The following AMOTL1 variants were observed in gnomAD, a reference collection of about 807,000 sequenced individuals.
The protein encoded by AMOTL1 is angiomotin-like protein 1.
AMOTL1 carries 45 observed loss-of-function variants against 102.9 expected under a neutral mutation model. That is an observed-to-expected ratio of 0.44 (90% confidence interval 0.34 to 0.56). The LOEUF (loss-of-function observed/expected upper bound fraction) is 0.56, where lower values mean the gene tolerates loss of function less well. AMOTL1 is among the 20% of genes least tolerant of loss of function. The probability of loss-of-function intolerance (pLI) is 0.01; values close to 1 mark genes in which losing one functional copy is unlikely to be tolerated. For synonymous variants in AMOTL1, 481 were observed against 484.7 expected (o/e 0.99, Z 0.10); for missense variants, 1,114 against 1,225.6 (o/e 0.91, Z 1.36).
At chr11:94,781,840 A>G (rs1341865051) in intron 1 of AMOTL1, among the ~76,000 whole-genome samples, 1 of 151,728 alleles carries the variant, frequency 6.6e-6, no homozygotes, top group Non-Finnish European at 1.5e-5. Flanking sequence ...TCTCAAAAAG[A>G]AGAAAAAAAA....
Position 94,800,026 on chromosome 11 carries a change from T to C in AMOTL1, c.836T>C (p.Leu279Pro). ...SLERNGAKQH[L>P]PGSGNGKGFK... ...GAGAGGAATGGGGCCAAGCAACACCTTCCCGGCTCGGGGAATGGAAAGGGC... is the reference window on the plus strand; with the variant it reads ...GAGAGGAATGGGGCCAAGCAACACCCTCCCGGCTCGGGGAATGGAAAGGGC... Residue 279 changes from leucine to proline, a missense_variant, in exon 3 of 13, where the codon CTT becomes CCT. Leu to Pro is a moderately conservative substitution (Grantham distance 98). Coordinates refer to ENST00000433060, the MANE Select transcript of AMOTL1 (RefSeq NM_130847.3). The C allele has an allele frequency of 6.2e-7, 1 of 1,613,984 alleles. No individual in the cohort carries two copies. The highest frequency in any genetic ancestry group is 8.5e-7 in the Non-Finnish European group (1 of 1,179,852).
chr11:94,780,987 A>G (rs948231824), intron 1 of AMOTL1, among the ~76,000 whole-genome samples: 2 of 152,098 alleles, frequency 1.3e-5, no homozygotes, highest in Non-Finnish European at 2.9e-5. Context: ...TTGGCTTGAC[A>G]ACATCATTCT....
chr11:94,751,755 A>G (rs1950657653), intron 3 of AMOTL1, among the ~76,000 whole-genome samples: 1 of 151,148 alleles, frequency 6.6e-6, no homozygotes, highest in African/African-American at 2.4e-5. Flanking sequence ...TAAAACATAT[A>G]TATGCTCACA....
chr11:94,847,144 C>T (rs189363548), intron 6 of AMOTL1, among the ~76,000 whole-genome samples: 61 of 152,234 alleles, frequency 4.0e-4, no homozygotes, highest in African/African-American at 1.4e-3. Context: ...ACCCCAGAAA[C>T]GAATGTAGCT....
intron 1 of AMOTL1, among the ~76,000 whole-genome samples, chr11:94,793,914 A>G (rs761050714): frequency 2.0e-5 from 3 of 152,256 alleles, no homozygotes; most frequent in Non-Finnish European, 4.4e-5. Context: ...CCTGTAATAC[A>G]TGTGAGCACA....
At chr11:94,767,657 T>G (rs1200379917), upstream of AMOTL1, among the ~76,000 whole-genome samples, 1 of 152,176 alleles carries the variant, frequency 6.6e-6, no homozygotes, top group African/African-American at 2.4e-5. Context: ...GCCGCCAGTA[T>G]AAACCAATAT....
chr11:94,857,647 G>C (rs1046307427), intron 8 of AMOTL1, among the ~76,000 whole-genome samples: 1 of 152,180 alleles, frequency 6.6e-6, no homozygotes, highest in Non-Finnish European at 1.5e-5. Flanking sequence ...ATTAATTTTC[G>C]TGTCTTACTT....
chr11:94,725,583 A>G (rs143229212), intron 1 of AMOTL1, among the ~76,000 whole-genome samples: 2,174 of 152,244 alleles, frequency 0.014, 26 homozygotes, highest in South Asian at 0.022. Flanking sequence ...TTAACAGAAA[A>G]TTGCAATGCA....
At position 94,727,513 on chromosome 11, in the gene AMOTL1, C is replaced by T. The variant is rs76559024; in HGVS notation, c.-50-1408C>T. On this transcript the variant is annotated intron_variant, in intron 1 of 4. Coordinates refer to the AMOTL1 transcript ENST00000299004. ...GGCTAACGGATAAATAATGCAGCTT[C>T]CTCAATCCACTGACATGGGTGGATA... Among the ~76,000 whole-genome samples the T allele has an allele frequency of 2.2e-4, 34 of 152,256 alleles. 2 individuals are homozygous for T. In the East Asian group the frequency reaches 6.6e-3, roughly 29 times the overall value.
At chr11:94,722,544 G>T (rs1950190388) in intron 1 of AMOTL1, among the ~76,000 whole-genome samples, 1 of 152,102 alleles carries the variant, frequency 6.6e-6, no homozygotes, top group Non-Finnish European at 1.5e-5. Flanking sequence ...AAAAAATTAG[G>T]ATGAGTGATG....
At chr11:94,734,134 C>T (rs1354476096) in intron 2 of AMOTL1, among the ~76,000 whole-genome samples, 1 of 152,184 alleles carries the variant, frequency 6.6e-6, no homozygotes, top group Non-Finnish European at 1.5e-5. Flanking sequence ...CCAAAATGAA[C>T]CATTGGCTTC....
chr11:94,793,856 A>C (rs1418263745), intron 1 of AMOTL1, among the ~76,000 whole-genome samples: 1 of 152,256 alleles, frequency 6.6e-6, no homozygotes, highest in Non-Finnish European at 1.5e-5. Context: ...TTAATTTATA[A>C]GAAAAAAATT....
chr11:94,748,149 A>G (rs1466654568), intron 3 of AMOTL1, among the ~76,000 whole-genome samples: 1 of 152,234 alleles, frequency 6.6e-6, no homozygotes, highest in African/African-American at 2.4e-5. Context: ...ACAAAGGCCA[A>G]AATGACAGTT....
In AMOTL1 at chr11:94,864,872, CTA is replaced by C. The variant is rs1952848601; in HGVS notation, c.2261+14_2261+15del. 2.5e-6 allele frequency: 4 copies of C among 1,610,776 alleles called. No homozygotes were observed. Among genetic ancestry groups the C allele is most frequent in the South Asian group, 1.1e-5 (1 of 90,410 alleles). On this transcript the variant is annotated intron_variant, in intron 10 of 12. Transcript: ENST00000433060. ...GACATGGAATACACGTAAGGGACGA[CTA>C]TGTGTGACGTGTGGGGCCCGCTGCA...
intron 3 of AMOTL1, among the ~76,000 whole-genome samples, chr11:94,760,741 A>C (rs1219518517): frequency 6.6e-6 from 1 of 151,968 alleles, no homozygotes; most frequent in African/African-American, 2.4e-5. Flanking sequence ...AGACTTCTTT[A>C]TATGTTTTAG....
intron 3 of AMOTL1, among the ~76,000 whole-genome samples, chr11:94,746,600 C>T (rs1448458404): frequency 2.6e-5 from 4 of 152,156 alleles, no homozygotes; most frequent in Non-Finnish European, 5.9e-5. Flanking sequence ...TCCTATCTAG[C>T]CTTCAACCCT....
intron 3 of AMOTL1, among the ~76,000 whole-genome samples, chr11:94,816,701 C>T (rs1033627280): frequency 6.6e-6 from 1 of 152,058 alleles, no homozygotes; most frequent in Non-Finnish European, 1.5e-5. Flanking sequence ...AGAGCTTTGA[C>T]TTCTGGGGCT....
intron 4 of AMOTL1, among the ~76,000 whole-genome samples, chr11:94,826,115 T>C (rs1289370731): frequency 1.3e-5 from 2 of 152,092 alleles, no homozygotes; most frequent in Admixed American, 6.5e-5. Context: ...TGAAACCCCA[T>C]GTCTACTAAA....
intron 1 of AMOTL1, among the ~76,000 whole-genome samples, chr11:94,775,842 C>G (rs1339468455): frequency 1.3e-5 from 2 of 152,204 alleles, no homozygotes; most frequent in Non-Finnish European, 2.9e-5. Context: ...TGGGAATGCT[C>G]TATTCACTTG....
Sources: gnomAD v4.1 joint callset for allele counts (sites outside exome capture counted in the v4.1 genomes callset) on GRCh38, gnomAD v4.1.1 for gene constraint, MANE v1.5 for transcripts, NCBI Gene and HGNC (gene_info 2026-07-23, HGNC 2026-07-21) for gene names.